ADAMTSL1: variants seen among roughly 807,000 people sequenced by gnomAD.
The protein encoded by ADAMTSL1 is ADAMTS-like protein 1.
In ADAMTSL1, 126 loss-of-function variants were observed where a neutral mutation model predicts 201.8. That is an observed-to-expected ratio of 0.62 (90% CI 0.54 to 0.72). The LOEUF is 0.72. Among genes scored for constraint, ADAMTSL1 ranks in the 30% least tolerant of loss-of-function variants. ADAMTSL1 has a pLI of 0.00. For missense variants in ADAMTSL1, 2,679 were observed against 2,277.8 expected (o/e 1.18, Z -3.59); for synonymous variants, 1,121 against 903.4 (o/e 1.24, Z -4.32).
chr9:18,038,283 C>T (rs940508847), intron 1 of ADAMTSL1, among the ~76,000 whole-genome samples: 2 of 152,142 alleles, frequency 1.3e-5, no homozygotes, highest in Admixed American at 1.3e-4. Flanking sequence ...GCATTTTTGG[C>T]TGTTGCCCCT....
chr9:18,513,938 C>CT (rs1818196239), intron 2 of ADAMTSL1, among the ~76,000 whole-genome samples: 1 of 152,302 alleles, frequency 6.6e-6, no homozygotes, highest in African/African-American at 2.4e-5. Flanking sequence ...ATGCCTTCAG[C>CT]TTTGTTCTCT....
intron 1 of ADAMTSL1, among the ~76,000 whole-genome samples, chr9:18,480,134 T>C (rs1821650037): frequency 6.6e-6 from 1 of 152,208 alleles, no homozygotes; most frequent in African/African-American, 2.4e-5. Flanking sequence ...AGTCACAGTT[T>C]TGTAAAACTT....
chr9:18,645,250 G>A (rs1301560679), intron 7 of ADAMTSL1, among the ~76,000 whole-genome samples: 1 of 152,164 alleles, frequency 6.6e-6, no homozygotes, highest in African/African-American at 2.4e-5. Context: ...TTTTATTCTT[G>A]TAAATTTGTT....
Position 18,775,874 on chromosome 9 carries a change from C to A in ADAMTSL1, c.2529C>A (p.Pro843=), listed in dbSNP as rs1489858782. Residue 843 remains proline, a synonymous_variant, in exon 18 of 29, where the codon CCC becomes CCA. Transcript: ENST00000380548. ...PPLPFSSSIR[P]CMLATCARPG... is the part of the protein sequence containing the mutation. ...TGCCTTTCTCTTCCTCCATCAGGCCCTGTATGCTGGCAACCTGTGCAAGTA... is the reference window on the plus strand; with the variant it reads ...TGCCTTTCTCTTCCTCCATCAGGCCATGTATGCTGGCAACCTGTGCAAGTA... 1 of 1,599,206 alleles carries A rather than the reference C, an allele frequency of 6.3e-7. No homozygotes were observed. The highest frequency in any genetic ancestry group is 8.5e-7 in the Non-Finnish European group (1 of 1,172,428).
chr9:18,318,830 A>G (rs928735823), intron 2 of ADAMTSL1, among the ~76,000 whole-genome samples: 2 of 152,166 alleles, frequency 1.3e-5, no homozygotes, highest in Admixed American at 1.3e-4. Context: ...AAAGGATATT[A>G]TATGCCAAGC....
chr9:18,529,034 C>G (rs1488847156), intron 2 of ADAMTSL1, among the ~76,000 whole-genome samples: 1 of 152,054 alleles, frequency 6.6e-6, no homozygotes, highest in Non-Finnish European at 1.5e-5. Flanking sequence ...GATTTTGTGC[C>G]CAGATAAATG....
chr9:18,698,932 C>A (rs2133289115), intron 13 of ADAMTSL1, among the ~76,000 whole-genome samples: 1 of 152,216 alleles, frequency 6.6e-6, no homozygotes, highest in South Asian at 2.1e-4. Context: ...CTTATAATGT[C>A]TTGTCTAGAA....
chr9:18,848,800 C>A (rs955528845), intron 23 of ADAMTSL1, among the ~76,000 whole-genome samples: 1 of 152,240 alleles, frequency 6.6e-6, no homozygotes, highest in Non-Finnish European at 1.5e-5. Flanking sequence ...AAAGTGAAAG[C>A]AGCCATAGAC....
At chr9:18,397,333 C>T (rs1228738924) in intron 2 of ADAMTSL1, among the ~76,000 whole-genome samples, 3 of 152,058 alleles carry the variant, frequency 2.0e-5, no homozygotes, top group East Asian at 1.9e-4. Context: ...GAAAGGAACA[C>T]ATTCTCTGAG....
intron 1 of ADAMTSL1, among the ~76,000 whole-genome samples, chr9:18,069,683 G>C (rs958190220): frequency 6.6e-5 from 10 of 152,156 alleles, no homozygotes; most frequent in Admixed American, 1.3e-4. Context: ...ACTGTGATCT[G>C]ATTGGATTTA....
At chr9:17,995,776 C>G (rs1213095541) in intron 1 of ADAMTSL1, among the ~76,000 whole-genome samples, 2 of 151,592 alleles carry the variant, frequency 1.3e-5, no homozygotes, top group Non-Finnish European at 2.9e-5. Context: ...GTGCTAAAAA[C>G]AGACGTACTG....
chr9:18,299,196 G>T (rs1254354541), intron 2 of ADAMTSL1, among the ~76,000 whole-genome samples: 3 of 151,976 alleles, frequency 2.0e-5, no homozygotes, highest in Non-Finnish European at 4.4e-5. Flanking sequence ...GCTAATAAGT[G>T]TGAGAGCTAG....
chr9:18,453,141 A>G (rs1820476276), intron 2 of ADAMTSL1, among the ~76,000 whole-genome samples: 1 of 152,142 alleles, frequency 6.6e-6, no homozygotes. Flanking sequence ...AGCCGTTGCC[A>G]AGGTTTACAG....
At chr9:18,651,332 G>A (rs1828239704) in intron 7 of ADAMTSL1, 1 of 152,172 alleles carries the variant, frequency 6.6e-6, no homozygotes, top group Non-Finnish European at 1.5e-5. Context: ...GTCCTCCTTA[G>A]TCATAGGTCC....
intron 3 of ADAMTSL1, among the ~76,000 whole-genome samples, chr9:18,547,342 A>T (rs1820526278): frequency 6.6e-6 from 1 of 152,084 alleles, no homozygotes. Flanking sequence ...AGCAACAATC[A>T]CAGATTAAAT....
At chr9:17,997,416 C>T (rs1819428093) in intron 1 of ADAMTSL1, among the ~76,000 whole-genome samples, 1 of 152,024 alleles carries the variant, frequency 6.6e-6, no homozygotes, top group Non-Finnish European at 1.5e-5. Flanking sequence ...AGGGAATACA[C>T]ATGTATCATA....
chr9:18,143,818 G>T (rs909663670), intron 1 of ADAMTSL1, among the ~76,000 whole-genome samples: 63 of 152,298 alleles, frequency 4.1e-4, no homozygotes, highest in African/African-American at 1.5e-3. Flanking sequence ...TTAGAGGAAT[G>T]AAAATAATTT....
At chr9:18,231,771 T>C (rs886494426) in intron 2 of ADAMTSL1, among the ~76,000 whole-genome samples, 8 of 152,228 alleles carry the variant, frequency 5.3e-5, no homozygotes, top group Non-Finnish European at 1.0e-4. Flanking sequence ...AGTTAGTAGC[T>C]ACTCTATCTT....
Position 18,646,304 on chromosome 9 carries a change from T to A in ADAMTSL1, c.834+6893T>A, listed in dbSNP as rs544156150. 3.2e-3 allele frequency among the ~76,000 whole-genome samples: 494 copies of A among 152,028 alleles called. 2 individuals carry two copies. Among genetic ancestry groups the A allele is most frequent in the African/African-American group, 0.011 (466 of 41,458 alleles). The stretch of plus-strand genomic sequence containing the variant: ...GAGATTTTGGGCTGAGACAATGGGG[T>A]TTTCTAGATATACAATCATGTCATC... On this transcript the variant is annotated intron_variant, in intron 7 of 28. Transcript: ENST00000380548.
Sources: allele counts gnomAD v4.1 joint callset (sites outside exome capture counted in the v4.1 genomes callset), GRCh38; gene constraint gnomAD v4.1.1; transcripts MANE v1.5; gene names NCBI Gene and HGNC (gene_info 2026-07-23, HGNC 2026-07-21).